Variants in FAT3 observed in about 807,000 individuals in gnomAD.
The protein encoded by FAT3 is protocadherin Fat 3.
FAT3 carries 95 observed loss-of-function variants against 310.2 expected under a neutral mutation model. The ratio of observed to expected loss-of-function variants is 0.31; its 90% CI spans 0.26 to 0.36. The LOEUF is 0.36. Among genes scored for constraint, FAT3 ranks in the 10% least tolerant of loss-of-function variants. The pLI is 1.00. For missense variants in FAT3, 5,408 were observed against 5,715.6 expected (o/e 0.95, Z 1.74); for synonymous variants, 2,314 against 2,192.9 (o/e 1.06, Z -1.54).
At chr11:92,586,879 A>G (rs894401144) in intron 3 of FAT3, among the ~76,000 whole-genome samples, 1 of 152,012 alleles carries the variant, frequency 6.6e-6, no homozygotes, top group Non-Finnish European at 1.5e-5. Context: ...ATGTTTCTGA[A>G]TGATACTAAC....
At chr11:92,479,824 T>C (rs550107156) in intron 2 of FAT3, among the ~76,000 whole-genome samples, 10 of 152,304 alleles carry the variant, frequency 6.6e-5, no homozygotes, top group African/African-American at 2.4e-4. Flanking sequence ...CCCTGTGTGG[T>C]ATCCTTCTCC....
intron 3 of FAT3, among the ~76,000 whole-genome samples, chr11:92,541,917 A>G (rs1954460635): frequency 6.6e-6 from 1 of 152,100 alleles, no homozygotes; most frequent in Non-Finnish European, 1.5e-5. Flanking sequence ...CACTATTAAA[A>G]CACTTTATCT....
rs548591413 is a variant in FAT3 at position 92,860,526 on chromosome 11, T to C, written c.11658+1204T>C. 1.2e-3 allele frequency among the ~76,000 whole-genome samples: 178 copies of C among 152,348 alleles called. 1 individual carries two copies. The highest frequency in any genetic ancestry group is 4.1e-3 in the African/African-American group (171 of 41,584). On this transcript the variant is annotated intron_variant, in intron 21 of 27. Transcript: ENST00000525166. ...TCTCATGCTATTCTCACCAGGTTGC[T>C]ATGTCAGCCTGTTGTAAATGCTCTT...
At chr11:92,827,654 T>C (rs534509072) in intron 13 of FAT3, among the ~76,000 whole-genome samples, 3 of 152,158 alleles carry the variant, frequency 2.0e-5, no homozygotes, top group Non-Finnish European at 2.9e-5. Flanking sequence ...GAGAGGAACA[T>C]GGACTCCATT....
chr11:92,701,361 G>A (rs1346394837), intron 4 of FAT3, among the ~76,000 whole-genome samples: 3 of 152,134 alleles, frequency 2.0e-5, no homozygotes, highest in Non-Finnish European at 4.4e-5. Flanking sequence ...ATGGTGTATG[G>A]GCTGCAAGGG....
chr11:92,401,447 G>T (rs767397459), intron 2 of FAT3, among the ~76,000 whole-genome samples: 1 of 152,152 alleles, frequency 6.6e-6, no homozygotes, highest in Non-Finnish European at 1.5e-5. Flanking sequence ...TCCCAGCTGG[G>T]AGACGAGAAT....
At chr11:92,416,630 C>T (rs191052248) in intron 2 of FAT3, among the ~76,000 whole-genome samples, 2 of 152,276 alleles carry the variant, frequency 1.3e-5, no homozygotes, top group Admixed American at 1.3e-4. Flanking sequence ...AGTGCTTTAT[C>T]GACTAAACAG....
intron 2 of FAT3, among the ~76,000 whole-genome samples, chr11:92,492,237 A>G (rs571673453): frequency 1.0e-4 from 15 of 150,340 alleles, no homozygotes; most frequent in South Asian, 6.3e-4. Flanking sequence ...AACTATATAT[A>G]TATTTCCATC....
intron 21 of FAT3, among the ~76,000 whole-genome samples, chr11:92,860,366 C>G (rs1799261904): frequency 6.6e-6 from 1 of 152,204 alleles, no homozygotes; most frequent in African/African-American, 2.4e-5. Context: ...TGCCGTTAAT[C>G]TCCATACTAT....
intron 4 of FAT3, among the ~76,000 whole-genome samples, chr11:92,729,256 A>G (rs1308205916): frequency 6.6e-6 from 1 of 152,086 alleles, no homozygotes; most frequent in Non-Finnish European, 1.5e-5. Flanking sequence ...AACGCAGAGC[A>G]CTCGATAAAT....
chr11:92,335,494 A>G (rs1948043911), intron 1 of FAT3, among the ~76,000 whole-genome samples: 2 of 152,214 alleles, frequency 1.3e-5, no homozygotes, highest in South Asian at 4.1e-4. Context: ...CATTCCAAAA[A>G]TATTGTGGCT....
At chr11:92,592,304 A>T (rs1383820048) in intron 3 of FAT3, among the ~76,000 whole-genome samples, 1 of 148,384 alleles carries the variant, frequency 6.7e-6, no homozygotes, top group Non-Finnish European at 1.5e-5. Flanking sequence ...ATGTATAGGA[A>T]ATCTCCTAAT....
At chr11:92,257,235 A>G (rs183931961) in intron 1 of FAT3, among the ~76,000 whole-genome samples, 547 of 152,260 alleles carry the variant, frequency 3.6e-3, no homozygotes, top group Middle Eastern at 6.8e-3. Context: ...ATTTGTACCT[A>G]GGATTGTCTT....
At position 92,867,236 on chromosome 11, in the gene FAT3, G is replaced by A. The variant is rs1173599934; in HGVS notation, c.12127+27G>A. 3.3e-6 allele frequency: 5 copies of A among 1,521,540 alleles called. No homozygotes were observed. In the Admixed American group the frequency reaches 5.9e-5, roughly 18 times the overall value. The allele number at this position is 1,521,540 out of a possible 1,614,324, so 94.3% of individuals were successfully genotyped here. ...TGAGTGTGGCTACGCAGTGGGCACT[G>A]GCCTGGGGGTTTGAGGGGAGAGTGA... On this transcript the variant is annotated intron_variant, in intron 22 of 27. Transcript: ENST00000525166.
intron 3 of FAT3, among the ~76,000 whole-genome samples, chr11:92,571,621 T>G (rs903236276): frequency 6.6e-6 from 1 of 152,222 alleles, no homozygotes; most frequent in East Asian, 1.9e-4. Flanking sequence ...GGTATGTGAT[T>G]CCGTTGAATA....
chr11:92,355,278 T>G lies in FAT3; in HGVS notation c.3166T>G (p.Ser1056Ala), dbSNP rs779710642. 1.9e-6 allele frequency: 3 copies of G among 1,613,832 alleles called. No homozygotes were observed. The highest frequency in any genetic ancestry group is 1.7e-6 in the Non-Finnish European group (2 of 1,179,868). The change falls in exon 2 of 28, where the codon TCA (serine) becomes GCA (alanine). Residue 1056 changes from serine (S) to alanine (A), a missense_variant. Physicochemically the swap from Ser to Ala is moderately conservative, Grantham distance 99. Coordinates refer to ENST00000525166, the MANE Select transcript of FAT3 (RefSeq NM_001367949.2). ...TGTTGTTGGATCTGTAAAGGAAAAC[T>G]CACGCATTGGAACAAGCGTGCTGCA... is the stretch of plus-strand genomic sequence containing the variant. ...FAVVGSVKENSRIGTSVLQVT... is the reference protein window; with the variant it reads ...FAVVGSVKENARIGTSVLQVT...
rs150614507 is a variant in FAT3 at position 92,423,697 on chromosome 11, G to T, written c.3292+68293G>T. On this transcript the variant is annotated intron_variant, in intron 2 of 27. Transcript: ENST00000525166. The stretch of plus-strand genomic sequence containing the variant: ...TCTGTAGAGAGAGGGTGGGGAGGGG[G>T]ATTTAATTTAAAGAATTGGCTCACA... Among the ~76,000 whole-genome samples the T allele has an allele frequency of 6.0e-3, 921 of 152,244 alleles. 20 individuals are homozygous for T. The highest frequency in any genetic ancestry group is 0.033 in the Admixed American group (501 of 15,286).
chr11:92,563,791 T>C (rs1955324353), intron 3 of FAT3, among the ~76,000 whole-genome samples: 2 of 151,998 alleles, frequency 1.3e-5, no homozygotes, highest in African/African-American at 2.4e-5. Flanking sequence ...CAAAATAAGC[T>C]TCATAAATGA....
intron 8 of FAT3, 94 bp from the exon 9 acceptor site, chr11:92,792,673 C>A: frequency 8.3e-7 from 1 of 1,202,504 alleles, no homozygotes; most frequent in Non-Finnish European, 1.2e-6. Context: ...ACTTTGCGTG[C>A]ATTATTTCAT....
Sources: allele counts gnomAD v4.1 joint callset (sites outside exome capture counted in the v4.1 genomes callset), GRCh38; gene constraint gnomAD v4.1.1; transcripts MANE v1.5; gene names NCBI Gene and HGNC (gene_info 2026-07-23, HGNC 2026-07-21).